Variants in EFR3B observed in about 807,000 individuals in gnomAD.
EFR3B encodes the protein EFR3 homolog B.
Under a neutral mutation model 104.7 loss-of-function variants are expected in EFR3B, and 64 were observed. The ratio of observed to expected loss-of-function variants is 0.61; its 90% confidence interval spans 0.50 to 0.75. The LOEUF is 0.75. EFR3B is among the 30% of genes least tolerant of loss of function. The pLI is 0.00. For missense variants in EFR3B, 750 were observed against 1,078.5 expected (o/e 0.70, Z 4.27); for synonymous variants, 385 against 417.9 (o/e 0.92, Z 0.96).
intron 1 of EFR3B, among the ~76,000 whole-genome samples, chr2:25,087,673 A>G (rs922899646): frequency 1.3e-5 from 2 of 152,184 alleles, no homozygotes; most frequent in African/African-American, 2.4e-5. Context: ...GGGTTTCACC[A>G]TGTTGGCCAG....
intron 1 of EFR3B, among the ~76,000 whole-genome samples, chr2:25,086,999 G>A (rs927233834): frequency 4.6e-5 from 7 of 152,174 alleles, no homozygotes; most frequent in Non-Finnish European, 8.8e-5. Flanking sequence ...ATTTATAAAG[G>A]AAAGAGCTTT....
intron 16 of EFR3B, 110 bp downstream of exon 16, chr2:25,139,300 A>G (rs912311567): frequency 7.0e-6 from 9 of 1,283,014 alleles, no homozygotes; most frequent in Non-Finnish European, 7.2e-6. Flanking sequence ...CAGTGAAGAC[A>G]GGGTTGAAGT....
rs1671098815 is a variant in EFR3B, at chr2:25,154,234, G to A, written c.2349-1G>A. On this transcript the variant is annotated splice_acceptor_variant, in intron 22 of 22. Coordinates refer to ENST00000403714, the MANE Select transcript of EFR3B (RefSeq NM_014971.2). LOFTEE classifies it high-confidence loss of function. The surrounding 1 kb of genome is among the most constrained non-coding windows in gnomAD (Gnocchi z 4.1). ...TCTCCCCATGTGTTCCTGCCCCCTA[G>A]GCCCCCACCAAGCCCATCAGGAACC... 2.6e-6 allele frequency: 4 copies of A among 1,551,492 alleles called. No individual in the cohort carries two copies. Among genetic ancestry groups the A allele is most frequent in the Non-Finnish European group, 3.5e-6 (4 of 1,146,950 alleles).
chr2:25,059,568 A>C (rs1668121604), intron 1 of EFR3B, among the ~76,000 whole-genome samples: 1 of 34,304 alleles, frequency 2.9e-5, no homozygotes, highest in African/African-American at 1.2e-4. Context: ...GTTACCAGGG[A>C]CTGCGGGGGG....
intron 16 of EFR3B, 139 bp downstream of exon 16, chr2:25,139,329 G>A (rs1670599814): frequency 2.7e-6 from 3 of 1,103,132 alleles, no homozygotes; most frequent in East Asian, 2.9e-5. Flanking sequence ...CTAATGGTGA[G>A]AAGTTACTCG....
rs1671101758 is a variant in EFR3B, at chr2:25,154,349, A to T, written c.*9A>T. The T allele has an allele frequency of 6.4e-7, 1 of 1,551,248 alleles. No individual in the cohort carries two copies. Among genetic ancestry groups the T allele is most frequent in the Non-Finnish European group, 8.7e-7 (1 of 1,146,392 alleles). On this transcript the variant is annotated 3_prime_UTR_variant, in exon 23 of 23. Transcript: ENST00000403714. The surrounding 1 kb of genome is among the most constrained non-coding windows in gnomAD (Gnocchi z 4.1). ...ATCTGTGTGTATACTGAATTCCAAG[A>T]GCCTGAGCTCCTCAAGGAGATGGGG... is the stretch of plus-strand genomic sequence containing the variant.
rs552318825 is a variant in EFR3B, at chr2:25,141,561, G to A, written c.1922+128G>A. The stretch of plus-strand genomic sequence containing the variant: ...TCTGTGGACTCAAGGGCAGAAGGTG[G>A]GCTCTGCCTGTGGTCCAGGAGTCCT... On this transcript the variant is annotated intron_variant, in intron 17 of 22. Transcript: ENST00000403714. 7.1e-5 allele frequency: 67 copies of A among 941,300 alleles called. No individual in the cohort carries two copies. The African/African-American group carries it at 8.7e-4, about 12-fold the overall frequency. 58.3% of individuals were successfully genotyped at this position (941,300 alleles called of 1,614,324 possible).
In EFR3B at chr2:25,042,259, G is replaced by T; in HGVS notation, c.-54G>T. On this transcript the variant is annotated 5_prime_UTR_variant, in exon 1 of 23. Transcript: ENST00000403714. The surrounding 1 kb of genome is among the most constrained non-coding windows in gnomAD (Gnocchi z 5.4). Reference sequence around the variant, plus strand: ...TGAAAGGCGGGCGCCGCCGAGGGCTGGCTGGGAACGCCGCAGCGACGCCGG... The same window carrying T: ...TGAAAGGCGGGCGCCGCCGAGGGCTTGCTGGGAACGCCGCAGCGACGCCGG... 7.6e-7 allele frequency: 1 copy of T among 1,310,042 alleles called. No individual in the cohort carries two copies. Among genetic ancestry groups the T allele is most frequent in the Non-Finnish European group, 9.7e-7 (1 of 1,029,576 alleles). The allele number at this position is 1,310,042 out of a possible 1,614,324, so 81.2% of individuals were successfully genotyped here.
chr2:25,058,989 C>T (rs764688642), intron 1 of EFR3B, among the ~76,000 whole-genome samples: 7 of 152,156 alleles, frequency 4.6e-5, no homozygotes, highest in African/African-American at 7.2e-5. Flanking sequence ...GACATCTGTA[C>T]ACCCATGTTC....
chr2:25,042,198 CTGTCG>C lies in EFR3B; in HGVS notation c.-114_-110del. 9.2e-7 allele frequency: 1 copy of C among 1,089,856 alleles called. No individual in the cohort carries two copies. The highest frequency in any genetic ancestry group is 1.2e-6 in the Non-Finnish European group (1 of 864,922). 67.5% of individuals were successfully genotyped at this position (1,089,856 alleles called of 1,614,324 possible). A position where few individuals can be genotyped will look rare whatever the true frequency, so the allele number is the denominator to read the frequency against. On this transcript the variant is annotated 5_prime_UTR_variant, in exon 1 of 23. It introduces an in-frame stop codon into an upstream open reading frame of the 5' UTR. Coordinates refer to ENST00000403714, the MANE Select transcript of EFR3B (RefSeq NM_014971.2). The surrounding 1 kb of genome is among the most constrained non-coding windows in gnomAD (Gnocchi z 5.4). ...GTCTGCTCCCTCCCCGCCCGGGCCC[CTGTCG>C]GCCGCCGCCAGTCCCCGCCCCGACT...
intron 4 of EFR3B, among the ~76,000 whole-genome samples, chr2:25,121,005 A>G (rs1166263082): frequency 1.3e-5 from 2 of 152,000 alleles, no homozygotes; most frequent in Admixed American, 6.6e-5. Flanking sequence ...GGGTTCAAGC[A>G]ATTCTCTTGC....
In EFR3B at chr2:25,070,801, C is replaced by G. The variant is rs186025017; in HGVS notation, c.8-20524C>G. ...GCGCAGAGGCTCAGAGGGACAGACT[C>G]TACTAAACTGCTCATCTGACAAACT... On this transcript the variant is annotated intron_variant, in intron 1 of 22. Coordinates refer to ENST00000403714, the MANE Select transcript of EFR3B (RefSeq NM_014971.2). 9.9e-4 allele frequency among the ~76,000 whole-genome samples: 151 copies of G among 152,266 alleles called. 2 individuals are homozygous for G. The highest frequency in any genetic ancestry group is 1.7e-3 in the Non-Finnish European group (113 of 68,012).
In EFR3B at chr2:25,121,719, G is replaced by C. The variant is rs373101048; in HGVS notation, c.410G>C (p.Arg137Pro). The change falls in exon 5 of 23, where the codon CGG (arginine) becomes CCG (proline). Residue 137 changes from arginine (R) to proline (P), a missense_variant. By Grantham distance (103) the Arg-to-Pro change is moderately radical. Transcript: ENST00000403714. ...NIEEDTPSYHRSYDFFVSRFS... is the reference protein window; with the variant it reads ...NIEEDTPSYHPSYDFFVSRFS... ...GAGGAGGACACCCCGTCCTATCACCGGAGCTATGACTTCTTTGTGTCCCGA... is the reference window on the plus strand; with the variant it reads ...GAGGAGGACACCCCGTCCTATCACCCGAGCTATGACTTCTTTGTGTCCCGA... 6.4e-7 allele frequency: 1 copy of C among 1,551,694 alleles called. No homozygotes were observed. Among genetic ancestry groups the C allele is most frequent in the Non-Finnish European group, 8.7e-7 (1 of 1,146,998 alleles).
chr2:25,073,293 A>G (rs55699354), intron 1 of EFR3B, among the ~76,000 whole-genome samples: 2,726 of 152,052 alleles, frequency 0.018, 34 homozygotes, highest in Non-Finnish European at 0.03. Context: ...GTTTTGCTGT[A>G]TTCCAAGGCG....
In EFR3B at chr2:25,137,319, T is replaced by C. The variant is rs1458865316; in HGVS notation, c.1561-22T>C. ...TGTCCCCATCCCTCCGACCCTGGCCTTCTGCCCGCTCCTGTCCCCAGCACT... is the reference window on the plus strand; with the variant it reads ...TGTCCCCATCCCTCCGACCCTGGCCCTCTGCCCGCTCCTGTCCCCAGCACT... On this transcript the variant is annotated intron_variant, in intron 14 of 22. Coordinates refer to ENST00000403714, the MANE Select transcript of EFR3B (RefSeq NM_014971.2). This position sits in a 1 kb window ranked among gnomAD's most constrained non-coding sequence, Gnocchi z 4.7. 6.4e-7 allele frequency: 1 copy of C among 1,551,824 alleles called. No homozygotes were observed. Among genetic ancestry groups the C allele is most frequent in the Non-Finnish European group, 8.7e-7 (1 of 1,146,980 alleles).
At chr2:25,132,857 C>G in intron 10 of EFR3B, 46 bp from the exon 11 acceptor site, 1 of 1,500,426 alleles carries the variant, frequency 6.7e-7, no homozygotes, top group Non-Finnish European at 9.1e-7. Flanking sequence ...AGGAGGGGCC[C>G]TGGAGCCTGT....
intron 1 of EFR3B, among the ~76,000 whole-genome samples, chr2:25,086,993 A>G (rs973595760): frequency 6.6e-6 from 1 of 152,216 alleles, no homozygotes; most frequent in Non-Finnish European, 1.5e-5. Flanking sequence ...TGCGTAATTT[A>G]TAAAGGAAAG....
chr2:25,082,694 C>T (rs1668842494), intron 1 of EFR3B, among the ~76,000 whole-genome samples: 2 of 152,188 alleles, frequency 1.3e-5, no homozygotes, highest in African/African-American at 2.4e-5. Flanking sequence ...CCACCACCAC[C>T]CATGGGTTGG....
At chr2:25,044,193 A>C (rs1353238234) in intron 1 of EFR3B, among the ~76,000 whole-genome samples, 5 of 152,198 alleles carry the variant, frequency 3.3e-5, no homozygotes, top group Non-Finnish European at 7.3e-5. Context: ...TAATGGAGGA[A>C]TCCTCTGGGC....
Sources: gnomAD v4.1 joint callset for allele counts (sites outside exome capture counted in the v4.1 genomes callset) on GRCh38, gnomAD v4.1.1 for gene constraint, Gnocchi (gnomAD v3.1) non-coding constraint, MANE v1.5 for transcripts, NCBI Gene and HGNC (gene_info 2026-07-23, HGNC 2026-07-21) for gene names.